SYT16: variants seen among roughly 807,000 people sequenced by gnomAD.
SYT16 encodes the protein synaptotagmin 16.
Under a neutral mutation model 61.4 loss-of-function variants are expected in SYT16, and 42 were observed. The observed-to-expected ratio is 0.68, with a 90% CI of 0.53 to 0.89. SYT16 has a LOEUF of 0.89. Among genes scored for constraint, SYT16 ranks in the 40% least tolerant of loss-of-function variants. The pLI is 0.00. For synonymous variants in SYT16, 314 were observed against 302.3 expected (o/e 1.04, Z -0.40); for missense variants, 804 against 807.3 (o/e 1.00, Z 0.05).
At chr14:61,888,036 T>C (rs2047975585) in intron 1 of SYT16, among the ~76,000 whole-genome samples, 2 of 152,214 alleles carry the variant, frequency 1.3e-5, no homozygotes, top group Admixed American at 6.5e-5. Flanking sequence ...TATCTTTTGA[T>C]TTAAAGTGAG....
At chr14:61,983,991 A>G (rs2052196499) in intron 2 of SYT16, among the ~76,000 whole-genome samples, 1 of 152,236 alleles carries the variant, frequency 6.6e-6, no homozygotes, top group Admixed American at 6.5e-5. Flanking sequence ...ACCTACTTTT[A>G]GGGCATAAAC....
chr14:61,910,525 G>GTTTT (rs1285355374), intron 1 of SYT16, among the ~76,000 whole-genome samples: 1 of 46,496 alleles, frequency 2.2e-5, no homozygotes, highest in Non-Finnish European at 6.0e-5. Flanking sequence ...GCATCCCGCT[G>GTTTT]TTTTGTTTTT....
chr14:62,080,927 G>A lies in SYT16; in HGVS notation c.1087G>A (p.Ala363Thr), dbSNP rs200117132. Residue 363 changes from alanine (A) to threonine (T), a missense_variant, in exon 6 of 8, where the codon GCC becomes ACC. Physicochemically the swap from Ala to Thr is moderately conservative, Grantham distance 58. Coordinates refer to ENST00000683842, the MANE Select transcript of SYT16 (RefSeq NM_001367656.1). ...AGATGTCATCTTTGAATATAGAGCC[G>A]CCAGCCAGAAGCTCACAGTGACCAT... is the stretch of plus-strand genomic sequence containing the variant. ...DLDVIFEYRA[A>T]SQKLTVTIVR... 2.7e-5 allele frequency: 43 copies of A among 1,608,788 alleles called. No individual in the cohort carries two copies. The highest frequency in any genetic ancestry group is 3.3e-5 in the Non-Finnish European group (39 of 1,177,588).
chr14:61,882,185 A>G (rs927511901), intron 1 of SYT16, among the ~76,000 whole-genome samples: 9 of 152,152 alleles, frequency 5.9e-5, no homozygotes, highest in African/African-American at 1.4e-4. Flanking sequence ...GCCATATACT[A>G]TCCTCCCAAT....
chr14:62,000,446 G>A (rs541096289), intron 3 of SYT16, among the ~76,000 whole-genome samples: 16 of 151,762 alleles, frequency 1.1e-4, no homozygotes, highest in Admixed American at 3.9e-4. Flanking sequence ...CCTATTTTAT[G>A]TGGTAGGTTT....
At chr14:61,982,480 A>C (rs2052124985) in intron 2 of SYT16, among the ~76,000 whole-genome samples, 1 of 152,142 alleles carries the variant, frequency 6.6e-6, no homozygotes, top group Non-Finnish European at 1.5e-5. Context: ...AAACCATCAT[A>C]TCTCATGAGA....
At chr14:62,055,166 C>T (rs1245030507) in intron 3 of SYT16, among the ~76,000 whole-genome samples, 4 of 152,212 alleles carry the variant, frequency 2.6e-5, no homozygotes, top group African/African-American at 7.2e-5. Context: ...TATCAGGTCA[C>T]CTCAGTTCTC....
intron 1 of SYT16, among the ~76,000 whole-genome samples, chr14:61,955,384 A>G (rs2050832995): frequency 6.6e-6 from 1 of 152,074 alleles, no homozygotes; most frequent in African/African-American, 2.4e-5. Context: ...TGTACAGTAG[A>G]TCTCCAGATC....
At chr14:61,998,503 C>G (rs1728758384) in intron 3 of SYT16, among the ~76,000 whole-genome samples, 2 of 151,946 alleles carry the variant, frequency 1.3e-5, no homozygotes, top group Non-Finnish European at 2.9e-5. Flanking sequence ...TGAGATTCAT[C>G]CATGGTGTTG....
intron 1 of SYT16, among the ~76,000 whole-genome samples, chr14:61,853,941 C>G (rs1446495433): frequency 6.6e-6 from 1 of 152,084 alleles, no homozygotes; most frequent in Non-Finnish European, 1.5e-5. Context: ...AAATGTGTCT[C>G]TATATACATG....
intron 1 of SYT16, among the ~76,000 whole-genome samples, chr14:61,813,166 G>A (rs1287411207): frequency 6.6e-6 from 1 of 152,274 alleles, no homozygotes; most frequent in African/African-American, 2.4e-5. Flanking sequence ...GGCGCTGTGA[G>A]TTCAAGGTTC....
intron 1 of SYT16, among the ~76,000 whole-genome samples, chr14:61,890,331 G>A (rs2048075102): frequency 6.6e-6 from 1 of 152,108 alleles, no homozygotes. Context: ...TTGAGAAGGC[G>A]CTTTGGGTTT....
chr14:62,039,261 A>G (rs1166556091), intron 3 of SYT16, among the ~76,000 whole-genome samples: 1 of 152,250 alleles, frequency 6.6e-6, no homozygotes, highest in African/African-American at 2.4e-5. Context: ...CTGCAGCTGC[A>G]GGGAACTTGC....
At chr14:62,042,417 G>A (rs1450982143) in intron 3 of SYT16, among the ~76,000 whole-genome samples, 1 of 152,100 alleles carries the variant, frequency 6.6e-6, no homozygotes, top group Non-Finnish European at 1.5e-5. Context: ...GTGGCTCTTC[G>A]ATCATTTCAG....
At position 62,051,898 on chromosome 14, in the gene SYT16, G is replaced by A. The variant is rs1221787610; in HGVS notation, c.524-17705G>A. Among the ~76,000 whole-genome samples the A allele has an allele frequency of 3.3e-5, 5 of 152,146 alleles. No individual in the cohort carries two copies. In the East Asian group the frequency reaches 9.6e-4, roughly 29 times the overall value. ...CATTAGAAAATTAGCTGGGTGTGGT[G>A]GCACACACCTGTAGTCTCAGTTCCT... On this transcript the variant is annotated intron_variant, in intron 3 of 7. Coordinates refer to ENST00000683842, the MANE Select transcript of SYT16 (RefSeq NM_001367656.1).
At chr14:61,824,119 C>T (rs2045700127) in intron 1 of SYT16, among the ~76,000 whole-genome samples, 1 of 152,104 alleles carries the variant, frequency 6.6e-6, no homozygotes, top group African/African-American at 2.4e-5. Flanking sequence ...TTCTTTTCAG[C>T]ACTGTGGCCC....
At position 62,065,239 on chromosome 14, in the gene SYT16, G is replaced by A. The variant is rs564775590; in HGVS notation, c.524-4364G>A. Among the ~76,000 whole-genome samples, 58 of 152,302 alleles carry A rather than the reference G, an allele frequency of 3.8e-4. 2 individuals are homozygous for A. In the South Asian group the frequency reaches 8.3e-3, roughly 22 times the overall value. ...ATGAAATCTGATGATATGCAGAGTG[G>A]TTAGGGACATAGATGCTACGCTTAA... is the stretch of plus-strand genomic sequence containing the variant. On this transcript the variant is annotated intron_variant, in intron 3 of 7. Transcript: ENST00000683842.
chr14:62,027,556 A>G (rs1324374813), intron 3 of SYT16, among the ~76,000 whole-genome samples: 2 of 152,098 alleles, frequency 1.3e-5, no homozygotes, highest in African/African-American at 4.8e-5. Context: ...TAGATATTCC[A>G]TTTTTTATAC....
At position 61,996,328 on chromosome 14, in the gene SYT16, A is replaced by G; in HGVS notation, c.309A>G (p.Gln103=). The G allele has an allele frequency of 6.2e-7, 1 of 1,613,408 alleles. No homozygotes were observed. Among genetic ancestry groups the G allele is most frequent in the Non-Finnish European group, 8.5e-7 (1 of 1,179,512 alleles). Residue 103 remains glutamine, a synonymous_variant, in exon 3 of 8, where the codon CAA becomes CAG. Coordinates refer to ENST00000683842, the MANE Select transcript of SYT16 (RefSeq NM_001367656.1). ...CCNSDLQDSA[Q]NSSPSLSQHA... ...ATAGTGATTTGCAGGACTCTGCCCA[A>G]AATTCAAGCCCAAGCCTTAGCCAAC...
Sources: gnomAD v4.1 joint callset for allele counts (sites outside exome capture counted in the v4.1 genomes callset) on GRCh38, gnomAD v4.1.1 for gene constraint, MANE v1.5 for transcripts, NCBI Gene and HGNC (gene_info 2026-07-23, HGNC 2026-07-21) for gene names.